The following UBE2E2 variants were observed in gnomAD, a reference collection of about 807,000 sequenced individuals.
UBE2E2 encodes ubiquitin-conjugating enzyme E2 E2.
In UBE2E2, 6 loss-of-function variants were observed where a neutral mutation model predicts 24.7. That is an observed-to-expected ratio of 0.24 (90% CI 0.13 to 0.48). The LOEUF (loss-of-function observed/expected upper bound fraction) is 0.48. Ranked by LOEUF, UBE2E2 falls within the 20% of genes least tolerant of loss-of-function variation. UBE2E2 has a pLI of 0.99. For synonymous variants in UBE2E2, 104 were observed against 83.6 expected (o/e 1.24, Z -1.33); for missense variants, 169 against 245.0 (o/e 0.69, Z 2.07).
At chr3:23,434,711 G>A (rs912920974) in intron 3 of UBE2E2, among the ~76,000 whole-genome samples, 2 of 152,122 alleles carry the variant, frequency 1.3e-5, no homozygotes, top group Non-Finnish European at 2.9e-5. Flanking sequence ...GGAAACAGTT[G>A]GATTGGGGGT....
intron 3 of UBE2E2, among the ~76,000 whole-genome samples, chr3:23,330,613 G>T (rs1267077961): frequency 2.0e-5 from 3 of 152,222 alleles, no homozygotes; most frequent in African/African-American, 7.2e-5. Flanking sequence ...TTCCCTGGAG[G>T]TGTATGGAGA....
intron 3 of UBE2E2, among the ~76,000 whole-genome samples, chr3:23,312,965 A>G (rs374938701): frequency 2.6e-5 from 4 of 152,216 alleles, no homozygotes; most frequent in South Asian, 2.1e-4. Context: ...ACCTGATACT[A>G]TTTCTTTTTT....
chr3:23,383,527 T>G (rs1696730088), intron 3 of UBE2E2, among the ~76,000 whole-genome samples: 1 of 152,176 alleles, frequency 6.6e-6, no homozygotes, highest in Non-Finnish European at 1.5e-5. Flanking sequence ...CATACCTTTT[T>G]CAATGCAGAT....
chr3:23,454,833 C>T (rs1698640903), intron 3 of UBE2E2, among the ~76,000 whole-genome samples: 1 of 152,184 alleles, frequency 6.6e-6, no homozygotes, highest in Non-Finnish European at 1.5e-5. Context: ...CAGTGTACTT[C>T]CTAATTTAGC....
At position 23,241,901 on chromosome 3, in the gene UBE2E2, C is replaced by G. The variant is rs187677052; in HGVS notation, c.227+24589C>G. Among the ~76,000 whole-genome samples, 358 of 152,210 alleles carry G rather than the reference C, an allele frequency of 2.4e-3. 3 individuals are homozygous for G. The highest frequency in any genetic ancestry group is 8.2e-3 in the African/African-American group (342 of 41,510). ...CTATCATTTATACCTCTCCCCAAGC[C>G]TGATGTTTTTGTTTCTTGTCTTAAT... is the stretch of plus-strand genomic sequence containing the variant. On this transcript the variant is annotated intron_variant, in intron 3 of 5. Coordinates refer to ENST00000396703, the MANE Select transcript of UBE2E2 (RefSeq NM_152653.4).
chr3:23,517,454 T>G (rs1694768368), intron 4 of UBE2E2, among the ~76,000 whole-genome samples: 1 of 152,194 alleles, frequency 6.6e-6, no homozygotes, highest in Admixed American at 6.5e-5. Flanking sequence ...AACCTAACTG[T>G]TGAAACATCA....
At chr3:23,491,044 G>A (rs1426505222) in intron 3 of UBE2E2, among the ~76,000 whole-genome samples, 1 of 152,114 alleles carries the variant, frequency 6.6e-6, no homozygotes, top group Non-Finnish European at 1.5e-5. Flanking sequence ...GCCTTATGGG[G>A]GATAAAATTA....
At chr3:23,356,051 G>C (rs559005392) in intron 3 of UBE2E2, among the ~76,000 whole-genome samples, 53 of 152,180 alleles carry the variant, frequency 3.5e-4, no homozygotes, top group Admixed American at 2.5e-3. Flanking sequence ...TAATTGTATA[G>C]AAAGCTGGGC....
At chr3:23,499,417 T>C (rs1559403610) in intron 3 of UBE2E2, among the ~76,000 whole-genome samples, 191 bp from the exon 4 acceptor site, 1 of 152,234 alleles carries the variant, frequency 6.6e-6, no homozygotes, top group Non-Finnish European at 1.5e-5. Flanking sequence ...TGTTCTTTTA[T>C]GAAGTGATAC....
chr3:23,310,732 G>A (rs6790185), intron 3 of UBE2E2, among the ~76,000 whole-genome samples: 111,845 of 152,036 alleles, frequency 0.74, 41,501 homozygotes, highest in African/African-American at 0.83. Context: ...ATAAAAGTAC[G>A]TACATGCATG....
intron 3 of UBE2E2, among the ~76,000 whole-genome samples, chr3:23,436,767 C>T (rs1698194846): frequency 6.6e-6 from 1 of 152,172 alleles, no homozygotes; most frequent in Admixed American, 6.5e-5. Flanking sequence ...ATGAAACTGG[C>T]ATACCACAGG....
intron 2 of UBE2E2, among the ~76,000 whole-genome samples, chr3:23,213,047 A>G (rs147176258): frequency 2.2e-4 from 33 of 152,222 alleles, no homozygotes; most frequent in African/African-American, 7.9e-4. Flanking sequence ...TCAATTGATT[A>G]GAGTAGGGGT....
intron 3 of UBE2E2, among the ~76,000 whole-genome samples, chr3:23,478,675 A>T (rs1699188437): frequency 6.6e-6 from 1 of 152,192 alleles, no homozygotes. Context: ...TAAAATAGCA[A>T]ATTCAAATCT....
intron 3 of UBE2E2, among the ~76,000 whole-genome samples, chr3:23,434,417 A>C (rs866349456): frequency 6.6e-6 from 1 of 152,148 alleles, no homozygotes; most frequent in African/African-American, 2.4e-5. Flanking sequence ...ACAATTGTGC[A>C]TTAGCTCTAC....
rs369768250 is a variant in UBE2E2 at position 23,543,592 on chromosome 3, T to C, written c.508+10891T>C. Among the ~76,000 whole-genome samples the C allele has an allele frequency of 1.8e-4, 27 of 152,126 alleles. No homozygotes were observed. In the East Asian group the frequency reaches 5.2e-3, roughly 29 times the overall value. On this transcript the variant is annotated intron_variant, in intron 5 of 5. Coordinates refer to ENST00000396703, the MANE Select transcript of UBE2E2 (RefSeq NM_152653.4). ...TAGATGACAAACAAATGGAAATACA[T>C]TTCATGTTCATGGATTGGAAGAGTC...
At chr3:23,281,980 T>C (rs1317701168) in intron 3 of UBE2E2, among the ~76,000 whole-genome samples, 1 of 152,210 alleles carries the variant, frequency 6.6e-6, no homozygotes, top group African/African-American at 2.4e-5. Context: ...CTCAAAATCA[T>C]CCTAAAAGAT....
At chr3:23,264,357 A>C (rs939541995) in intron 3 of UBE2E2, among the ~76,000 whole-genome samples, 4 of 151,904 alleles carry the variant, frequency 2.6e-5, no homozygotes, top group African/African-American at 4.8e-5. Flanking sequence ...AATAAAAAAC[A>C]AAAAAAGGAA....
chr3:23,256,044 G>A (rs1697712890), intron 3 of UBE2E2, among the ~76,000 whole-genome samples: 2 of 152,214 alleles, frequency 1.3e-5, no homozygotes, highest in Non-Finnish European at 2.9e-5. Flanking sequence ...CAGCTTTTGA[G>A]TTTAGTTCTG....
chr3:23,271,815 GC>G (rs1013532326), intron 3 of UBE2E2, among the ~76,000 whole-genome samples: 10 of 152,264 alleles, frequency 6.6e-5, no homozygotes, highest in African/African-American at 2.4e-4. Context: ...GGTTCTCCAA[GC>G]CCCCACCAGA....
Sources: allele counts gnomAD v4.1 joint callset (sites outside exome capture counted in the v4.1 genomes callset), GRCh38; gene constraint gnomAD v4.1.1; transcripts MANE v1.5; gene names NCBI Gene and HGNC (gene_info 2026-07-23, HGNC 2026-07-21).